Variants in GSS observed in about 807,000 individuals in gnomAD.
GSS encodes GSH synthetase.
GSS carries 34 observed loss-of-function variants against 60.4 expected under a neutral mutation model. That is an observed-to-expected ratio of 0.56 (90% CI 0.43 to 0.75). The LOEUF (loss-of-function observed/expected upper bound fraction) is 0.75, where lower values mean the gene tolerates loss of function less well. Among genes scored for constraint, GSS ranks in the 30% least tolerant of loss-of-function variants. GSS has a pLI of 0.00. For synonymous variants in GSS, 224 were observed against 239.0 expected, an observed-to-expected ratio of 0.94 and a Z score of 0.58; for missense variants, 499 against 595.1, an observed-to-expected ratio of 0.84 and a Z score of 1.68.
chr20:34,936,876 G>C (rs1352785568), intron 7 of GSS, 36 bp from the exon 8 acceptor site: 2 of 1,605,756 alleles, frequency 1.2e-6, no homozygotes, highest in Non-Finnish European at 1.7e-6. Context: ...GGGAATGGAT[G>C]CTATGTTCTG....
At chr20:34,931,140 G>T (rs980778891) in intron 11 of GSS, among the ~76,000 whole-genome samples, 196 bp downstream of exon 11, 1 of 152,190 alleles carries the variant, frequency 6.6e-6, no homozygotes, top group African/African-American at 2.4e-5. Context: ...ACCCTTCAAT[G>T]CTGGTTAATC....
chr20:34,949,149 C>T (rs1028452252), intron 2 of GSS, among the ~76,000 whole-genome samples: 3 of 152,114 alleles, frequency 2.0e-5, no homozygotes, highest in African/African-American at 7.2e-5. Context: ...AGGAAGGGGA[C>T]TTACTCTGTA....
chr20:34,936,232 A>G (rs1203754420), intron 8 of GSS, among the ~76,000 whole-genome samples: 2 of 152,242 alleles, frequency 1.3e-5, no homozygotes, highest in Non-Finnish European at 2.9e-5. Flanking sequence ...AGTGAGTGGT[A>G]TTGTGAAATT....
At chr20:34,951,540 A>C (rs2081568254) in intron 2 of GSS, 184 bp downstream of exon 2, 1 of 657,762 alleles carries the variant, frequency 1.5e-6, no homozygotes, top group African/African-American at 1.8e-5. Flanking sequence ...TTCAAACCCC[A>C]TATTTAAATT....
At chr20:34,954,504 A>C (rs1199154491) in intron 1 of GSS, 1 of 153,222 alleles carries the variant, frequency 6.5e-6, no homozygotes, top group Admixed American at 6.6e-5. Flanking sequence ...TAGTGAGCCG[A>C]GATCGTGCCA....
chr20:34,949,996 TTCTCTCTCTC>T (rs896755931), intron 2 of GSS: 1 of 96,756 alleles, frequency 1.0e-5, no homozygotes, highest in South Asian at 3.8e-4. Context: ...AGTAAAATCA[TTCTCTCTCTC>T]TCTCTCTCAC....
At chr20:34,953,975 T>A (rs989612111) in intron 1 of GSS, among the ~76,000 whole-genome samples, 1 of 152,164 alleles carries the variant, frequency 6.6e-6, no homozygotes, top group Non-Finnish European at 1.5e-5. Flanking sequence ...TTATCAGCAG[T>A]GTTTGAAGCT....
At chr20:34,931,105 G>A (rs571070725) in intron 11 of GSS, among the ~76,000 whole-genome samples, 2 of 152,272 alleles carry the variant, frequency 1.3e-5, no homozygotes, top group South Asian at 4.1e-4. Flanking sequence ...TCTACCCACA[G>A]GCACCTCAGG....
intron 1 of GSS, among the ~76,000 whole-genome samples, chr20:34,953,886 C>T (rs930710804): frequency 6.6e-6 from 1 of 152,144 alleles, no homozygotes; most frequent in African/African-American, 2.4e-5. Flanking sequence ...GGATTACAGG[C>T]GTGAGCCACC....
chr20:34,942,988 G>A lies in GSS; in HGVS notation c.294C>T (p.Asp98=). 6.2e-7 allele frequency: 1 copy of A among 1,611,678 alleles called. No individual in the cohort carries two copies. Among genetic ancestry groups the A allele is most frequent in the Non-Finnish European group, 8.5e-7 (1 of 1,178,422 alleles). The change falls in exon 4 of 13, where the codon GAC becomes GAT. Residue 98 remains aspartate, a synonymous_variant. Transcript: ENST00000651619. ...GGATGTCAAAGAGACGAGCGGTAAA[G>A]TCATCCTGTTTGATGGTGCTGGAGG... ...QTLSSTIKQD[D]FTARLFDIHK...
At chr20:34,945,082 G>A (rs1307417565) in intron 3 of GSS, among the ~76,000 whole-genome samples, 2 of 151,260 alleles carry the variant, frequency 1.3e-5, no homozygotes, top group African/African-American at 4.9e-5. Flanking sequence ...GTACAGTGTC[G>A]TGATCTTGGC....
At chr20:34,939,869 C>T (rs2081469461) in intron 6 of GSS, among the ~76,000 whole-genome samples, 1 of 151,948 alleles carries the variant, frequency 6.6e-6, no homozygotes, top group Non-Finnish European at 1.5e-5. Context: ...AAGGTTTCAC[C>T]ATGTTGGCCA....
chr20:34,939,180 T>C (rs4911452), intron 6 of GSS, among the ~76,000 whole-genome samples: 83,021 of 151,850 alleles, frequency 0.55, 23,359 homozygotes, highest in South Asian at 0.74. Flanking sequence ...GTGGAGGATG[T>C]AGTGAGCCGA....
At chr20:34,949,400 A>G (rs1395316201) in intron 2 of GSS, 1 of 147,372 alleles carries the variant, frequency 6.8e-6, no homozygotes, top group Non-Finnish European at 1.5e-5. Flanking sequence ...TGCGCCCTGC[A>G]TTTCAGCTGC....
At chr20:34,948,793 A>C (rs1216163890) in intron 2 of GSS, among the ~76,000 whole-genome samples, 1 of 151,834 alleles carries the variant, frequency 6.6e-6, no homozygotes, top group Non-Finnish European at 1.5e-5. Flanking sequence ...AAAAAAAAAA[A>C]AAGAAACATT....
At chr20:34,933,060 G>A (rs1173491740) in intron 9 of GSS, among the ~76,000 whole-genome samples, 1 of 152,054 alleles carries the variant, frequency 6.6e-6, no homozygotes, top group Non-Finnish European at 1.5e-5. Flanking sequence ...TGCCCAGGCT[G>A]GTCTTGAACT....
intron 3 of GSS, among the ~76,000 whole-genome samples, chr20:34,944,669 A>T (rs1473100063): frequency 5.9e-5 from 9 of 152,340 alleles, no homozygotes; most frequent in African/African-American, 2.2e-4. Context: ...GTAATGAGAC[A>T]TCTTGGGGAT....
intron 1 of GSS, chr20:34,952,166 G>T (rs2081574381): frequency 2.4e-6 from 1 of 414,380 alleles, no homozygotes; most frequent in Non-Finnish European, 4.6e-6. Context: ...GGTGATGACT[G>T]GTATAGCCTG....
chr20:34,948,770 G>A (rs1011220003), intron 2 of GSS, among the ~76,000 whole-genome samples: 5 of 146,238 alleles, frequency 3.4e-5, no homozygotes, highest in Non-Finnish European at 6.0e-5. Context: ...GCGACAGAGT[G>A]AGACTCTGTC....
Sources: gnomAD v4.1 joint callset for allele counts (sites outside exome capture counted in the v4.1 genomes callset) on GRCh38, gnomAD v4.1.1 for gene constraint, MANE v1.5 for transcripts, NCBI Gene and HGNC (gene_info 2026-07-23, HGNC 2026-07-21) for gene names.